The following KCP variants were observed in gnomAD, a reference collection of about 807,000 sequenced individuals.
The protein encoded by KCP is kielin/chordin-like protein.
Under a neutral mutation model 212.7 loss-of-function variants are expected in KCP, and 194 were observed. The observed-to-expected ratio is 0.91, with a 90% CI of 0.81 to 1.03. The LOEUF is 1.03. KCP is among the 50% of genes least tolerant of loss of function. The pLI, the probability that KCP is intolerant of heterozygous loss-of-function variation, is 0.00. For missense variants in KCP, 2,080 were observed against 2,162.5 expected, an observed-to-expected ratio of 0.96 and a Z score of 0.76; for synonymous variants, 833 against 865.3, an observed-to-expected ratio of 0.96 and a Z score of 0.65.
rs1445341815 is a variant in KCP at position 128,910,570 on chromosome 7, C to T, written c.76+31G>A. 6.0e-6 allele frequency: 9 copies of T among 1,504,382 alleles called. No homozygotes were observed. In the East Asian group the frequency reaches 1.1e-4, roughly 18 times the overall value. The allele number at this position is 1,504,382 out of a possible 1,614,324, so 93.2% of individuals were successfully genotyped here. ...ATAGGAGGGAGGGGGCGCACCTGGC[C>T]GGACCCCAAGCCTCCCGCACCTGGA... On this transcript the variant is annotated intron_variant, in intron 1 of 39. Transcript: ENST00000610776.
rs987176071 is a variant in KCP at position 128,886,494 on chromosome 7, C to T, written c.2836G>A (p.Glu946Lys). The T allele has an allele frequency of 1.2e-5, 19 of 1,550,246 alleles. No homozygotes were observed. The highest frequency in any genetic ancestry group is 6.8e-5 in the African/African-American group (5 of 73,000). The change falls in exon 26 of 40, where the codon GAG (glutamate) becomes AAG (lysine). Residue 946 changes from glutamate to lysine, a missense_variant. Coordinates refer to ENST00000610776, the MANE Select transcript of KCP (RefSeq NM_001366122.1). ...CAGCGAGGGCAGCAGCTCCCCCGCTCGGTGACCTGGAGCTTGCAGGGAAGG... is the reference window on the plus strand; with the variant it reads ...CAGCGAGGGCAGCAGCTCCCCCGCTTGGTGACCTGGAGCTTGCAGGGAAGG... ...PPLPCKLQVT[E>K]RGSCCPRCRG... is the part of the protein sequence containing the mutation.
chr7:128,894,130 G>A (rs1794370030), intron 9 of KCP, 70 bp downstream of exon 9: 3 of 1,513,072 alleles, frequency 2.0e-6, no homozygotes, highest in East Asian at 2.5e-5. Context: ...GGGCCCCCGA[G>A]CAGGGCCACC....
Position 128,910,693 on chromosome 7 carries a change from T to A in KCP, c.-17A>T. 9 of 1,481,632 alleles carry A rather than the reference T, an allele frequency of 6.1e-6. No homozygotes were observed. The South Asian group carries it at 1.0e-4, about 17-fold the overall frequency. 91.8% of individuals were successfully genotyped at this position (1,481,632 alleles called of 1,614,324 possible). On this transcript the variant is annotated 5_prime_UTR_variant, in exon 1 of 40. Transcript: ENST00000610776. ...CCCGGCCATGCTAGCTCCGCCTCGC[T>A]CGGCTCGCCGTCTGTCGTCGCGGCT...
chr7:128,886,266 C>T (rs1793637394), intron 26 of KCP, among the ~76,000 whole-genome samples, 198 bp downstream of exon 26: 1 of 152,090 alleles, frequency 6.6e-6, no homozygotes, highest in African/African-American at 2.4e-5. Context: ...CTCTAACCAG[C>T]ACCTGGAAGA....
Position 128,880,106 on chromosome 7 carries a change from T to C in KCP, c.3760-21A>G, listed in dbSNP as rs773272813. On this transcript the variant is annotated intron_variant, in intron 34 of 39. Coordinates refer to ENST00000610776, the MANE Select transcript of KCP (RefSeq NM_001366122.1). ...TTGTCCTGCACTCAGCCCCAGACAC[T>C]GTCAGACACACCGCCCTCCCCGCCA... 7.3e-6 allele frequency: 11 copies of C among 1,505,856 alleles called. No homozygotes were observed. In the South Asian group the frequency reaches 1.3e-4, roughly 17 times the overall value. The allele number at this position is 1,505,856 out of a possible 1,614,324, so 93.3% of individuals were successfully genotyped here. A position where few individuals can be genotyped will look rare whatever the true frequency, so the allele number is the denominator to read the frequency against.
rs1794013364 is a variant in KCP at position 128,890,336 on chromosome 7, C to A, written c.2335+7G>T. 1 of 1,551,470 alleles carries A rather than the reference C, an allele frequency of 6.4e-7. No homozygotes were observed. Among genetic ancestry groups the A allele is most frequent in the African/African-American group, 1.4e-5 (1 of 73,064 alleles). On this transcript the variant is annotated splice_region_variant and intron_variant, in intron 21 of 39. Transcript: ENST00000610776. The stretch of plus-strand genomic sequence containing the variant: ...ACCCCGGCAGCTCCCTATCCCATGA[C>A]CCTCACCATCACAGTCAGGGCAGCA...
Position 128,891,752 on chromosome 7 carries a change from C to T in KCP, c.1689G>A (p.Gln563=). ...ESFSHPRDPC[Q]ECRCQEGHAH... ...CATGGCCTTCCTGGCATCGGCACTC[C>T]TGGCAGGGGTCTCGGGGGTGGGAGA... The change falls in exon 17 of 40, where the codon CAG becomes CAA. Residue 563 remains glutamine, a synonymous_variant. Transcript: ENST00000610776. 1 of 1,446,902 alleles carries T rather than the reference C, an allele frequency of 6.9e-7. No homozygotes were observed. Among genetic ancestry groups the T allele is most frequent in the Non-Finnish European group, 9.1e-7 (1 of 1,097,872 alleles). 89.6% of individuals were successfully genotyped at this position (1,446,902 alleles called of 1,614,324 possible).
rs970798316 is a variant in KCP at position 128,904,185 on chromosome 7, G to A, written c.572-47C>T. 6.5e-6 allele frequency: 10 copies of A among 1,530,050 alleles called. No individual in the cohort carries two copies. The African/African-American group carries it at 6.9e-5, about 11-fold the overall frequency. 94.8% of individuals were successfully genotyped at this position (1,530,050 alleles called of 1,614,324 possible). On this transcript the variant is annotated intron_variant, in intron 5 of 39. Coordinates refer to ENST00000610776, the MANE Select transcript of KCP (RefSeq NM_001366122.1). ...CAAGTGGGTCACCAGGCAGCAGGGTGGGTGGACATCACTTGAGGTAAGGCA... is the reference window on the plus strand; with the variant it reads ...CAAGTGGGTCACCAGGCAGCAGGGTAGGTGGACATCACTTGAGGTAAGGCA...
intron 8 of KCP, 46 bp from the exon 9 acceptor site, chr7:128,894,339 G>A: frequency 7.1e-7 from 1 of 1,404,112 alleles, no homozygotes; most frequent in Admixed American, 2.4e-5. Flanking sequence ...GGGCTCAACT[G>A]AGAGGTGGAA....
Position 128,894,324 on chromosome 7 carries a change from C to T in KCP, c.832-31G>A, listed in dbSNP as rs1794388627. The stretch of plus-strand genomic sequence containing the variant: ...GGGGAGAATGAACAGGGGAAGGGGC[C>T]GACAGGGCTCAACTGAGAGGTGGAA... On this transcript the variant is annotated intron_variant, in intron 8 of 39. Coordinates refer to ENST00000610776, the MANE Select transcript of KCP (RefSeq NM_001366122.1). 6 of 1,474,730 alleles carry T rather than the reference C, an allele frequency of 4.1e-6. No individual in the cohort carries two copies. In the South Asian group the frequency reaches 5.3e-5, roughly 13 times the overall value. The allele number at this position is 1,474,730 out of a possible 1,614,324, so 91.4% of individuals were successfully genotyped here. A position where few individuals can be genotyped will look rare whatever the true frequency, so the allele number is the denominator to read the frequency against.
intron 2 of KCP, 68 bp downstream of exon 2, chr7:128,908,358 T>G (rs1795265761): frequency 6.8e-7 from 1 of 1,460,540 alleles, no homozygotes; most frequent in South Asian, 1.4e-5. Flanking sequence ...CAAGCCTAAC[T>G]CCTTCTCTCC....
chr7:128,903,456 T>A (rs577364415), intron 7 of KCP: 1 of 526,350 alleles, frequency 1.9e-6, no homozygotes, highest in Admixed American at 3.6e-5. Flanking sequence ...GCTGACCCCA[T>A]GTCTCATGAT....
intron 8 of KCP, among the ~76,000 whole-genome samples, chr7:128,896,889 CAAAAAAAAAAA>C (rs35522047): frequency 5.2e-5 from 3 of 58,084 alleles, no homozygotes; most frequent in African/African-American, 6.7e-5. Context: ...GACTCCATCT[CAAAAAAAAAAA>C]AAAAAAAAAA....
At chr7:128,893,569 AG>A (rs1794319270) in intron 11 of KCP, 93 bp from the exon 12 acceptor site, 2 of 1,101,788 alleles carry the variant, frequency 1.8e-6, no homozygotes, top group South Asian at 1.4e-5. Flanking sequence ...ACCCTGACAA[AG>A]AAGACCCAGC....
At chr7:128,887,099 G>A in intron 23 of KCP, 116 bp downstream of exon 23, 1 of 1,092,000 alleles carries the variant, frequency 9.2e-7, no homozygotes, top group Non-Finnish European at 1.4e-6. Context: ...TGTCCCATGA[G>A]ATGTGAAGGG....
At position 128,879,900 on chromosome 7, in the gene KCP, A is replaced by G. The variant is rs974239052; in HGVS notation, c.3932+13T>C. On this transcript the variant is annotated intron_variant, in intron 35 of 39. Coordinates refer to ENST00000610776, the MANE Select transcript of KCP (RefSeq NM_001366122.1). ...TGTAGGGGTTGGGGAGAAGAGAGAC[A>G]GGGGATGCACACCTGAAGTCCCCGC... 13 of 1,551,238 alleles carry G rather than the reference A, an allele frequency of 8.4e-6. No individual in the cohort carries two copies. The highest frequency in any genetic ancestry group is 1.1e-5 in the Non-Finnish European group (13 of 1,146,972).
At chr7:128,892,138 A>G (rs945441118) in intron 16 of KCP, among the ~76,000 whole-genome samples, 33 of 151,684 alleles carry the variant, frequency 2.2e-4, no homozygotes, top group African/African-American at 6.1e-4. Flanking sequence ...TGTCCCATGC[A>G]TCCCAGCACC....
At position 128,891,846 on chromosome 7, in the gene KCP, A is replaced by G. The variant is rs1168074918; in HGVS notation, c.1622-27T>C. On this transcript the variant is annotated intron_variant, in intron 16 of 39. Coordinates refer to ENST00000610776, the MANE Select transcript of KCP (RefSeq NM_001366122.1). Reference sequence around the variant, plus strand: ...TGGGCAGTGGATGGTGGGGGCAGGTATGAGGGCAAAGCCTGACAGTCCCTC... The same window carrying G: ...TGGGCAGTGGATGGTGGGGGCAGGTGTGAGGGCAAAGCCTGACAGTCCCTC... The G allele has an allele frequency of 4.1e-5, 59 of 1,425,462 alleles. 1 individual carries two copies. The highest frequency in any genetic ancestry group is 3.7e-4 in the Middle Eastern group (2 of 5,442). 88.3% of individuals were successfully genotyped at this position (1,425,462 alleles called of 1,614,324 possible).
chr7:128,893,739 C>T, intron 11 of KCP, 67 bp downstream of exon 11: 1 of 1,483,804 alleles, frequency 6.7e-7, no homozygotes, highest in Non-Finnish European at 9.1e-7. Flanking sequence ...GAAGCAAATC[C>T]CCCACACCTA....
Sources: gnomAD v4.1 joint callset for allele counts (sites outside exome capture counted in the v4.1 genomes callset) on GRCh38, gnomAD v4.1.1 for gene constraint, MANE v1.5 for transcripts, NCBI Gene and HGNC (gene_info 2026-07-23, HGNC 2026-07-21) for gene names.